Variants in BANK1 observed in about 807,000 individuals in gnomAD.
The protein encoded by BANK1 is B cell scaffold protein with ankyrin repeats 1.
BANK1 carries 95 observed loss-of-function variants against 94.5 expected under a neutral mutation model. The ratio of observed to expected loss-of-function variants is 1.00; its 90% CI spans 0.85 to 1.19. The LOEUF is 1.19. Ranked by LOEUF, BANK1 falls within the 50% of genes most tolerant of loss-of-function variation. The probability of loss-of-function intolerance (pLI) is 0.00; values close to 1 mark genes in which losing one functional copy is unlikely to be tolerated. For missense variants in BANK1, 987 were observed against 932.2 expected (o/e 1.06, Z -0.77); for synonymous variants, 334 against 308.4 (o/e 1.08, Z -0.87).
chr4:101,955,306 A>T (rs1160578973), intron 7 of BANK1, among the ~76,000 whole-genome samples: 1 of 152,198 alleles, frequency 6.6e-6, no homozygotes, highest in African/African-American at 2.4e-5. Context: ...ATTGTTCAAA[A>T]GATTCATTTC....
Position 102,029,920 on chromosome 4 carries a change from T to C in BANK1, c.1595-40T>C, listed in dbSNP as rs144138643. 367 of 1,543,622 alleles carry C rather than the reference T, an allele frequency of 2.4e-4. 2 individuals carry two copies. The African/African-American group carries it at 4.5e-3, about 19-fold the overall frequency. ...AGATGGACACCAATAATGTTGCATG[T>C]AACAGAAGAGTAAACACCATGTAAA... On this transcript the variant is annotated intron_variant, in intron 9 of 16. Transcript: ENST00000322953.
intron 6 of BANK1, among the ~76,000 whole-genome samples, chr4:101,913,537 C>T (rs1277377970): frequency 1.3e-5 from 2 of 152,172 alleles, no homozygotes; most frequent in African/African-American, 4.8e-5. Flanking sequence ...GGCCTTAAGC[C>T]CTGCTTCAAC....
intron 10 of BANK1, among the ~76,000 whole-genome samples, chr4:102,037,861 A>G (rs1727565457): frequency 6.6e-6 from 1 of 152,174 alleles, no homozygotes; most frequent in Admixed American, 6.6e-5. Flanking sequence ...GTAGACACAG[A>G]GGTGAAAGTA....
chr4:101,955,141 G>A (rs963950912), intron 7 of BANK1, among the ~76,000 whole-genome samples: 2 of 152,122 alleles, frequency 1.3e-5, no homozygotes, highest in African/African-American at 2.4e-5. Context: ...TTGCTCATGC[G>A]AGCAATGAAG....
intron 5 of BANK1, among the ~76,000 whole-genome samples, chr4:101,884,975 C>A (rs1728798959): frequency 6.6e-6 from 1 of 152,118 alleles, no homozygotes; most frequent in African/African-American, 2.4e-5. Context: ...GTGGCGCGAT[C>A]TGGGTTCACT....
intron 4 of BANK1, among the ~76,000 whole-genome samples, chr4:101,867,443 A>T (rs1448194807): frequency 6.6e-6 from 1 of 151,594 alleles, no homozygotes; most frequent in East Asian, 1.9e-4. Flanking sequence ...GAAATAATGT[A>T]GGTCAGAAAC....
In BANK1 at chr4:101,974,544, A is replaced by G. The variant is rs184471420; in HGVS notation, c.1207-46970A>G. ...ATAATAACAACCTTCCACTGTGCCA[A>G]ATAATTCCATGGTCTCCAATAGTTT... is the stretch of plus-strand genomic sequence containing the variant. On this transcript the variant is annotated intron_variant, in intron 7 of 16. Transcript: ENST00000322953. 2.2e-4 allele frequency among the ~76,000 whole-genome samples: 34 copies of G among 152,282 alleles called. No individual in the cohort carries two copies. In the East Asian group the frequency reaches 5.2e-3, roughly 23 times the overall value.
chr4:101,987,191 C>T (rs998194791), intron 7 of BANK1, among the ~76,000 whole-genome samples: 1 of 151,514 alleles, frequency 6.6e-6, no homozygotes, highest in African/African-American at 2.4e-5. Flanking sequence ...TTTCCCAGTC[C>T]ATGTAAGGAA....
At chr4:101,842,558 A>G (rs750282773) in intron 2 of BANK1, among the ~76,000 whole-genome samples, 1 of 152,210 alleles carries the variant, frequency 6.6e-6, no homozygotes, top group African/African-American at 2.4e-5. Context: ...ATTTCAAATA[A>G]CTATACTCTT....
At chr4:101,906,684 A>G (rs1262898899) in intron 6 of BANK1, among the ~76,000 whole-genome samples, 2 of 152,200 alleles carry the variant, frequency 1.3e-5, no homozygotes, top group African/African-American at 4.8e-5. Flanking sequence ...AAGTGAAACG[A>G]ACCAGACCCC....
chr4:101,862,318 C>T (rs779871248), intron 3 of BANK1, among the ~76,000 whole-genome samples: 12 of 151,906 alleles, frequency 7.9e-5, no homozygotes, highest in Middle Eastern at 3.4e-3. Context: ...AAAAAAAGAG[C>T]GTACAATAAA....
chr4:102,029,836 TCTAATA>T (rs1727227759), intron 9 of BANK1, 118 bp from the exon 10 acceptor site: 6 of 831,546 alleles, frequency 7.2e-6, no homozygotes, highest in Non-Finnish European at 9.6e-6. Context: ...CGAGCTCTTC[TCTAATA>T]CTGTTTCCTA....
intron 7 of BANK1, among the ~76,000 whole-genome samples, chr4:101,969,173 G>T (rs1724865394): frequency 6.6e-6 from 1 of 152,086 alleles, no homozygotes. Flanking sequence ...AACAGGGTCA[G>T]ACCAGAGTCC....
intron 2 of BANK1, among the ~76,000 whole-genome samples, chr4:101,845,299 T>G (rs948284702): frequency 3.3e-5 from 5 of 152,176 alleles, no homozygotes; most frequent in Non-Finnish European, 1.5e-5. Flanking sequence ...TATGTACATA[T>G]AGCAGTCAGA....
chr4:102,031,876 GTATT>G (rs1345029561), intron 10 of BANK1, among the ~76,000 whole-genome samples: 3 of 152,110 alleles, frequency 2.0e-5, no homozygotes, highest in Non-Finnish European at 4.4e-5. Context: ...CACGTATAAA[GTATT>G]TATCAGTATA....
chr4:101,966,704 G>A (rs1358555718), intron 7 of BANK1, among the ~76,000 whole-genome samples: 1 of 152,044 alleles, frequency 6.6e-6, no homozygotes, highest in Non-Finnish European at 1.5e-5. Flanking sequence ...TCCCAAGTGA[G>A]AATAAATCAC....
rs576028437 is a variant in BANK1 at position 101,873,406 on chromosome 4, A to G, written c.903+2762A>G. Among the ~76,000 whole-genome samples, 64 of 152,328 alleles carry G rather than the reference A, an allele frequency of 4.2e-4. 1 individual carries two copies. Among genetic ancestry groups the G allele is most frequent in the Middle Eastern group, 3.4e-3 (1 of 294 alleles). On this transcript the variant is annotated intron_variant, in intron 5 of 16. Coordinates refer to ENST00000322953, the MANE Select transcript of BANK1 (RefSeq NM_017935.5). ...TTTAAAAGCTATTGGGCATGTAATA[A>G]CATGAACATTGTGTGAATTTGAGGA...
At chr4:101,962,531 T>G (rs1724606250) in intron 7 of BANK1, among the ~76,000 whole-genome samples, 1 of 152,132 alleles carries the variant, frequency 6.6e-6, no homozygotes, top group Non-Finnish European at 1.5e-5. Flanking sequence ...CATCAGTCTG[T>G]TCTATTGACA....
intron 7 of BANK1, among the ~76,000 whole-genome samples, chr4:102,001,352 A>G (rs1191336607): frequency 6.6e-6 from 1 of 152,202 alleles, no homozygotes; most frequent in African/African-American, 2.4e-5. Context: ...CTGTAATCCC[A>G]GTGTTTTGGG....
Sources: allele counts gnomAD v4.1 joint callset (sites outside exome capture counted in the v4.1 genomes callset), GRCh38; gene constraint gnomAD v4.1.1; transcripts MANE v1.5; gene names NCBI Gene and HGNC (gene_info 2026-07-23, HGNC 2026-07-21).